Variants in RFX3 observed in about 807,000 individuals in gnomAD.
The protein encoded by RFX3 is transcription factor RFX3.
A neutral mutation model predicts 98.6 loss-of-function variants in RFX3; 14 were observed. That is an observed-to-expected ratio of 0.14 (90% CI 0.09 to 0.22). RFX3 has a LOEUF of 0.22. Among genes scored for constraint, RFX3 ranks in the 10% least tolerant of loss-of-function variants. RFX3 has a pLI of 1.00. For synonymous variants in RFX3, 383 were observed against 328.4 expected (o/e 1.17, Z -1.80); for missense variants, 639 against 926.9 (o/e 0.69, Z 4.03).
intron 15 of RFX3, among the ~76,000 whole-genome samples, chr9:3,238,957 T>C (rs757779258): frequency 2.0e-5 from 3 of 151,320 alleles, no homozygotes; most frequent in Admixed American, 6.6e-5. Context: ...GAGATCACCA[T>C]TGCACTCCAG....
chr9:3,316,502 C>T (rs1429338255), intron 4 of RFX3, among the ~76,000 whole-genome samples: 1 of 152,150 alleles, frequency 6.6e-6, no homozygotes, highest in African/African-American at 2.4e-5. Flanking sequence ...TCCTATTCAA[C>T]ATAGTGTTGG....
chr9:3,522,634 AACACAC>A (rs150801345), intron 1 of RFX3, among the ~76,000 whole-genome samples: 1 of 148,326 alleles, frequency 6.7e-6, no homozygotes, highest in African/African-American at 2.5e-5. Context: ...TTTAAACACA[AACACAC>A]ACACACACAC....
At chr9:3,296,833 C>G (rs1321437131) in intron 5 of RFX3, among the ~76,000 whole-genome samples, 2 of 152,062 alleles carry the variant, frequency 1.3e-5, no homozygotes, top group African/African-American at 4.8e-5. Context: ...CCACCTCGGG[C>G]TAGATCGCCT....
intron 1 of RFX3, among the ~76,000 whole-genome samples, chr9:3,412,130 G>A (rs576489389): frequency 1.3e-5 from 2 of 152,168 alleles, no homozygotes; most frequent in Non-Finnish European, 1.5e-5. Flanking sequence ...ATCAGTATCT[G>A]ATTTGAGTAT....
At position 3,312,620 on chromosome 9, in the gene RFX3, T is replaced by A. The variant is rs533304091; in HGVS notation, c.475-11000A>T. On this transcript the variant is annotated intron_variant, in intron 4 of 16. Transcript: ENST00000617270. ...GGATTGAGGTTCCAAGATGGCCGAA[T>A]AGGAACAGCTCCAGTCTGCAGCTCC... 6.0e-5 allele frequency among the ~76,000 whole-genome samples: 9 copies of A among 149,068 alleles called. No individual in the cohort carries two copies. The South Asian group carries it at 1.9e-3, about 32-fold the overall frequency.
intron 2 of RFX3, among the ~76,000 whole-genome samples, chr9:3,388,041 T>A (rs1839909841): frequency 6.6e-6 from 1 of 152,118 alleles, no homozygotes; most frequent in Non-Finnish European, 1.5e-5. Flanking sequence ...AGGCAATTTT[T>A]AAAAATCACT....
intron 13 of RFX3, among the ~76,000 whole-genome samples, chr9:3,257,535 T>A (rs1025507659): frequency 7.2e-5 from 11 of 152,140 alleles, no homozygotes; most frequent in Admixed American, 5.9e-4. Context: ...GTAGGCAGGG[T>A]CTTTCATCCT....
chr9:3,461,871 T>C (rs868731403), intron 1 of RFX3, among the ~76,000 whole-genome samples: 7 of 152,048 alleles, frequency 4.6e-5, no homozygotes, highest in Non-Finnish European at 1.0e-4. Flanking sequence ...TCTGTTTTAC[T>C]TTTTGTTTTT....
At position 3,334,357 on chromosome 9, in the gene RFX3, A is replaced by T. The variant is rs1216627311; in HGVS notation, c.216-3840T>A. On this transcript the variant is annotated intron_variant, in intron 3 of 16. Transcript: ENST00000617270. ...GAAGATACTTACCACTTCGGATTGG[A>T]ATTTTAGATGTTCTATGATCGTGGA... is the stretch of plus-strand genomic sequence containing the variant. Among the ~76,000 whole-genome samples the T allele has an allele frequency of 2.6e-5, 4 of 152,304 alleles. No homozygotes were observed. In the East Asian group the frequency reaches 7.7e-4, roughly 29 times the overall value.
At chr9:3,260,777 T>G (rs889024765) in intron 13 of RFX3, among the ~76,000 whole-genome samples, 1 of 151,314 alleles carries the variant, frequency 6.6e-6, no homozygotes, top group African/African-American at 2.4e-5. Context: ...GTAAAGATTA[T>G]GTACTTGTAT....
intron 1 of RFX3, among the ~76,000 whole-genome samples, chr9:3,476,737 T>C (rs1393068785): frequency 6.6e-6 from 1 of 152,040 alleles, no homozygotes. Context: ...GAGAAAAAAA[T>C]GTTACAAACA....
At chr9:3,228,050 C>T (rs372189473) in intron 16 of RFX3, among the ~76,000 whole-genome samples, 4 of 152,154 alleles carry the variant, frequency 2.6e-5, no homozygotes, top group African/African-American at 4.8e-5. Flanking sequence ...TTCTTTAACA[C>T]CTCAAGAGAC....
chr9:3,472,307 C>G (rs186993681), intron 1 of RFX3, among the ~76,000 whole-genome samples: 2 of 152,050 alleles, frequency 1.3e-5, no homozygotes, highest in African/African-American at 4.8e-5. Context: ...CCTAGCTCCA[C>G]CACTTACTAC....
intron 3 of RFX3, among the ~76,000 whole-genome samples, chr9:3,331,859 T>C (rs772215737): frequency 7.9e-5 from 12 of 152,190 alleles, no homozygotes; most frequent in Admixed American, 6.5e-4. Flanking sequence ...CTAGTTATAC[T>C]TTAAGAATAT....
chr9:3,273,864 CAAA>C (rs34744889), intron 9 of RFX3, among the ~76,000 whole-genome samples: 1 of 69,486 alleles, frequency 1.4e-5, no homozygotes. Flanking sequence ...GACTCTGTCT[CAAA>C]AAAAAAAAAA....
rs1334616294 is a variant in RFX3, at chr9:3,224,405, T to C, written c.*637A>G. 1 of 152,260 alleles carries C rather than the reference T, an allele frequency of 6.6e-6. No individual in the cohort carries two copies. The highest frequency in any genetic ancestry group is 1.5e-5 in the Non-Finnish European group (1 of 68,078). 9.4% of individuals were successfully genotyped at this position (152,260 alleles called of 1,614,324 possible). A position where few individuals can be genotyped will look rare whatever the true frequency, so the allele number is the denominator to read the frequency against. ...TACATATTAGCATAATCTCTTGCAA[T>C]TCTGTCATTTACTCTGAACTGATAA... On this transcript the variant is annotated 3_prime_UTR_variant, in exon 17 of 17. Transcript: ENST00000617270.
chr9:3,456,556 G>A (rs1334055679), intron 1 of RFX3, among the ~76,000 whole-genome samples: 1 of 151,906 alleles, frequency 6.6e-6, no homozygotes, highest in Non-Finnish European at 1.5e-5. Flanking sequence ...TGAAAAAAAC[G>A]GCCACATCAT....
chr9:3,431,338 G>A (rs756837076), intron 1 of RFX3, among the ~76,000 whole-genome samples: 2 of 152,102 alleles, frequency 1.3e-5, no homozygotes, highest in South Asian at 4.1e-4. Flanking sequence ...GCTGAGAAAA[G>A]TTACATTACA....
At chr9:3,236,165 A>G (rs114957818) in intron 15 of RFX3, among the ~76,000 whole-genome samples, 31 of 152,324 alleles carry the variant, frequency 2.0e-4, no homozygotes, top group African/African-American at 7.5e-4. Context: ...TGCCACTAGT[A>G]CATTTGTACT....
Sources: gnomAD v4.1 joint callset for allele counts (sites outside exome capture counted in the v4.1 genomes callset) on GRCh38, gnomAD v4.1.1 for gene constraint, MANE v1.5 for transcripts, NCBI Gene and HGNC (gene_info 2026-07-23, HGNC 2026-07-21) for gene names.